Variants in ZC3H3 observed in about 807,000 individuals in gnomAD.
ZC3H3 encodes zinc finger CCCH-type containing 3.
ZC3H3 carries 36 observed loss-of-function variants against 77.3 expected under a neutral mutation model. That is an observed-to-expected ratio of 0.47 (90% CI 0.36 to 0.61). ZC3H3 has a LOEUF of 0.61. Among genes scored for constraint, ZC3H3 ranks in the 20% least tolerant of loss-of-function variants. The pLI, the probability that ZC3H3 is intolerant of heterozygous loss-of-function variation, is 0.00. For missense variants in ZC3H3, 1,331 were observed against 1,312.2 expected (o/e 1.01, Z -0.22); for synonymous variants, 626 against 555.2 (o/e 1.13, Z -1.79).
At chr8:143,478,853 C>A (rs1341470629) in intron 4 of ZC3H3, among the ~76,000 whole-genome samples, 3 of 152,234 alleles carry the variant, frequency 2.0e-5, no homozygotes, top group Non-Finnish European at 4.4e-5. Flanking sequence ...ATTAGCTTGT[C>A]CCCTTCTCTT....
chr8:143,500,034 C>G (rs1306688584), intron 4 of ZC3H3, among the ~76,000 whole-genome samples: 2 of 152,186 alleles, frequency 1.3e-5, no homozygotes, highest in Non-Finnish European at 2.9e-5. Context: ...CCCCCAGCCC[C>G]TATCCTCTCT....
intron 9 of ZC3H3, among the ~76,000 whole-genome samples, chr8:143,461,656 T>C (rs192538908): frequency 1.4e-3 from 214 of 152,112 alleles, no homozygotes; most frequent in African/African-American, 5.0e-3. Flanking sequence ...GACTCTGTAA[T>C]AAAAACGGGT....
At chr8:143,536,228 A>G in intron 3 of ZC3H3, 29 bp downstream of exon 3, 2 of 1,595,162 alleles carry the variant, frequency 1.3e-6, no homozygotes, top group Non-Finnish European at 1.7e-6. Context: ...GCCCAGCCCC[A>G]GTGCCCAGCG....
At chr8:143,491,228 C>T (rs1347834887) in intron 4 of ZC3H3, among the ~76,000 whole-genome samples, 2 of 152,180 alleles carry the variant, frequency 1.3e-5, no homozygotes, top group African/African-American at 4.8e-5. Flanking sequence ...CCCCGGGGGG[C>T]CCTTGAGCTC....
intron 3 of ZC3H3, among the ~76,000 whole-genome samples, chr8:143,526,777 A>G (rs536691511): frequency 2.0e-5 from 3 of 152,238 alleles, no homozygotes; most frequent in Non-Finnish European, 4.4e-5. Flanking sequence ...TGCAGGCCAC[A>G]TTCGTCCCCA....
intron 4 of ZC3H3, among the ~76,000 whole-genome samples, chr8:143,478,959 G>A (rs565893834): frequency 9.1e-4 from 138 of 152,330 alleles, no homozygotes; most frequent in African/African-American, 1.9e-3. Context: ...CTGCTGAGCC[G>A]TCCCGGGATC....
At chr8:143,448,518 T>G (rs1189544070) in intron 9 of ZC3H3, among the ~76,000 whole-genome samples, 1 of 152,192 alleles carries the variant, frequency 6.6e-6, no homozygotes, top group Non-Finnish European at 1.5e-5. Flanking sequence ...TCCAAAATCA[T>G]CTCCTTTGAC....
chr8:143,486,646 A>G (rs1308145851), intron 4 of ZC3H3, among the ~76,000 whole-genome samples: 1 of 152,154 alleles, frequency 6.6e-6, no homozygotes, highest in Non-Finnish European at 1.5e-5. Context: ...CAGACACAGA[A>G]TGGCACCCGC....
At position 143,440,988 on chromosome 8, in the gene ZC3H3, C is replaced by G. The variant is rs759459597; in HGVS notation, c.2440G>C (p.Gly814Arg). 1.4e-6 allele frequency: 2 copies of G among 1,466,696 alleles called. No homozygotes were observed. Among genetic ancestry groups the G allele is most frequent in the Non-Finnish European group, 1.8e-6 (2 of 1,116,528 alleles). The allele number at this position is 1,466,696 out of a possible 1,614,324, so 90.9% of individuals were successfully genotyped here. Residue 814 changes from glycine to arginine, a missense_variant, in exon 10 of 12, where the codon GGG (glycine) becomes CGG (arginine). By Grantham distance (125) the Gly-to-Arg change is moderately radical. Around this residue, in one of 3 missense-constraint regions of ZC3H3, gnomAD observed 249 missense variants for 236.9 expected, o/e 1.05. Coordinates refer to ENST00000262577, the MANE Select transcript of ZC3H3 (RefSeq NM_015117.3). Reference sequence around the variant, plus strand: ...CTCCTGGCGGTTGCGTCGCTGGGCCCTGGGGCGGGGGACGTGGCTGCCCGC... The same window carrying G: ...CTCCTGGCGGTTGCGTCGCTGGGCCGTGGGGCGGGGGACGTGGCTGCCCGC... ...SRRAATSPAPGPSDATARSRV... is the reference protein window; with the variant it reads ...SRRAATSPAPRPSDATARSRV...
In ZC3H3 at chr8:143,539,082, C is replaced by A; in HGVS notation, c.285G>T (p.Leu95Phe). The A allele has an allele frequency of 6.2e-7, 1 of 1,612,948 alleles. No individual in the cohort carries two copies. The highest frequency in any genetic ancestry group is 8.5e-7 in the Non-Finnish European group (1 of 1,179,990). The change falls in exon 2 of 12, where the codon TTG becomes TTT. Residue 95 changes from leucine to phenylalanine, a missense_variant. By Grantham distance (22) the Leu-to-Phe change is conservative. Coordinates refer to ENST00000262577, the MANE Select transcript of ZC3H3 (RefSeq NM_015117.3). ...GAGGCTGGCCCCCCCGGGCCCCGTGCAACGGCCGCACAGCATGGTCGGCAG... is the reference window on the plus strand; with the variant it reads ...GAGGCTGGCCCCCCCGGGCCCCGTGAAACGGCCGCACAGCATGGTCGGCAG... ...DPPADHAVRP[L>F]HGARGGQPPV...
At chr8:143,498,739 C>T (rs1236598452) in intron 4 of ZC3H3, among the ~76,000 whole-genome samples, 760 of 57,938 alleles carry the variant, frequency 0.013, 5 homozygotes, top group African/African-American at 0.044. Flanking sequence ...GGGCACAGGG[C>T]GGGGCGGAGG....
intron 4 of ZC3H3, among the ~76,000 whole-genome samples, chr8:143,504,610 G>A (rs542705969): frequency 1.2e-4 from 19 of 152,256 alleles, no homozygotes; most frequent in African/African-American, 4.3e-4. Flanking sequence ...GCAGGGACGG[G>A]CTGTCAGGTT....
chr8:143,501,145 G>A (rs1409503965), intron 4 of ZC3H3, among the ~76,000 whole-genome samples: 1 of 151,644 alleles, frequency 6.6e-6, no homozygotes, highest in South Asian at 2.1e-4. Flanking sequence ...CATAAGTTTT[G>A]GAGGAGACAT....
At position 143,507,891 on chromosome 8, in the gene ZC3H3, G is replaced by A. The variant is rs138026588; in HGVS notation, c.1570C>T (p.Leu524=). 1.1e-5 allele frequency: 18 copies of A among 1,592,362 alleles called. No homozygotes were observed. In the African/African-American group the frequency reaches 2.3e-4, roughly 20 times the overall value. ...GTGGGTGCAGTCCGCACGGCATGCA[G>A]GCTGGACGCTGTAGAGAAAACCCAG... ...AHLPTKEASS[L]HAVRTAPTSK... The change falls in exon 4 of 12, where the codon CTG becomes TTG. Residue 524 remains leucine (L), a synonymous_variant. Transcript: ENST00000262577.
rs550766402 is a variant in ZC3H3, at chr8:143,450,729, G to A, written c.2308-9609C>T. On this transcript the variant is annotated intron_variant, in intron 9 of 11. Coordinates refer to ENST00000262577, the MANE Select transcript of ZC3H3 (RefSeq NM_015117.3). ...AGATCTTGTGAACATTCCATCACAA[G>A]AATAGCACTGGAGGATGGTGCTAAA... Among the ~76,000 whole-genome samples, 790 of 152,260 alleles carry A rather than the reference G, an allele frequency of 5.2e-3. 6 individuals carry two copies. Among genetic ancestry groups the A allele is most frequent in the Admixed American group, 0.018 (279 of 15,286 alleles).
At position 143,475,385 on chromosome 8, in the gene ZC3H3, CCTCACCT is replaced by C. The variant is rs1248902208; in HGVS notation, c.1903+6_1903+12del. ...CGGTGTCATCTCCCAGCGCCCCCGC[CCTCACCT>C]CTCACCTGTGCGCAGGAGGGGCCTG... On this transcript the variant is annotated splice_donor_region_variant and intron_variant, in intron 5 of 11. Coordinates refer to ENST00000262577, the MANE Select transcript of ZC3H3 (RefSeq NM_015117.3). The C allele has an allele frequency of 6.2e-7, 1 of 1,609,054 alleles. No homozygotes were observed. The highest frequency in any genetic ancestry group is 2.2e-5 in the East Asian group (1 of 44,816).
At chr8:143,492,377 G>A (rs888506362) in intron 4 of ZC3H3, among the ~76,000 whole-genome samples, 3 of 152,104 alleles carry the variant, frequency 2.0e-5, no homozygotes, top group African/African-American at 7.2e-5. Flanking sequence ...GCCACTCCCA[G>A]GGCCCTGGCC....
chr8:143,446,510 C>G (rs1444652297), intron 9 of ZC3H3, among the ~76,000 whole-genome samples: 2 of 152,202 alleles, frequency 1.3e-5, no homozygotes, highest in African/African-American at 4.8e-5. Flanking sequence ...CCCTCACCCT[C>G]ACCAAAAAGA....
At chr8:143,464,570 C>G (rs984262743) in intron 9 of ZC3H3, among the ~76,000 whole-genome samples, 15 of 152,216 alleles carry the variant, frequency 9.9e-5, no homozygotes, top group African/African-American at 3.6e-4. Context: ...CCAGCTTCTA[C>G]AGGACCCCAC....
Sources: allele counts gnomAD v4.1 joint callset (sites outside exome capture counted in the v4.1 genomes callset), GRCh38; gene constraint gnomAD v4.1.1; regional missense constraint gnomAD v4.1.1; transcripts MANE v1.5; gene names NCBI Gene and HGNC (gene_info 2026-07-23, HGNC 2026-07-21).